The following LDB3 variants were observed in gnomAD, a reference collection of about 807,000 sequenced individuals.
LDB3 encodes the protein LIM domain-binding protein 3.
LDB3 carries 49 observed loss-of-function variants against 69.0 expected under a neutral mutation model. The ratio of observed to expected loss-of-function variants is 0.71; its 90% confidence interval spans 0.56 to 0.90. LDB3 has a LOEUF of 0.90. Ranked by LOEUF, LDB3 falls within the 40% of genes least tolerant of loss-of-function variation. The probability of loss-of-function intolerance (pLI) is 0.00; values close to 1 mark genes in which losing one functional copy is unlikely to be tolerated. For missense variants in LDB3, 928 were observed against 974.1 expected (o/e 0.95, Z 0.63); for synonymous variants, 387 against 396.2 (o/e 0.98, Z 0.28).
At chr10:86,712,108 C>A (rs1012039905) in intron 9 of LDB3, among the ~76,000 whole-genome samples, 2 of 152,100 alleles carry the variant, frequency 1.3e-5, no homozygotes, top group South Asian at 4.1e-4. Flanking sequence ...GCGCCACTGC[C>A]TGCTCGCCCC....
At position 86,723,127 on chromosome 10, in the gene LDB3, G is replaced by A. The variant is rs114753438; in HGVS notation, c.1979-3010G>A. On this transcript the variant is annotated intron_variant, in intron 12 of 13. Coordinates refer to ENST00000361373, the MANE Select transcript of LDB3 (RefSeq NM_007078.3). ...AAAACAAAAAAAAATTAAAGTAGCC[G>A]ACCGTGGTGGTGCACACCTGTGGTC... Among the ~76,000 whole-genome samples, 790 of 151,576 alleles carry A rather than the reference G, an allele frequency of 5.2e-3. 10 individuals carry two copies. Among genetic ancestry groups the A allele is most frequent in the African/African-American group, 0.018 (736 of 41,306 alleles).
At chr10:86,692,129 G>C in intron 6 of LDB3, 64 bp downstream of exon 6, 1 of 1,582,720 alleles carries the variant, frequency 6.3e-7, no homozygotes, top group Non-Finnish European at 8.6e-7. Context: ...CAGGGACCTG[G>C]GCCCAGCACT....
chr10:86,666,848 G>A (rs930790758), upstream of LDB3: 3 of 465,546 alleles, frequency 6.4e-6, no homozygotes, highest in African/African-American at 4.1e-5. Flanking sequence ...TGCAGCTCCA[G>A]GTACAGCCTC....
intron 5 of LDB3, among the ~76,000 whole-genome samples, chr10:86,683,485 A>C (rs780874960): frequency 6.6e-6 from 1 of 152,236 alleles, no homozygotes; most frequent in Non-Finnish European, 1.5e-5. Context: ...CTGCCTGCTC[A>C]GGGAAGTGAG....
At chr10:86,687,625 C>A (rs74604783) in intron 5 of LDB3, among the ~76,000 whole-genome samples, 11 of 152,336 alleles carry the variant, frequency 7.2e-5, no homozygotes, top group Middle Eastern at 3.4e-3. Context: ...CCTCTCACAG[C>A]GAAGCTGTCC....
chr10:86,668,100 G>A (rs1844251911), upstream of LDB3, among the ~76,000 whole-genome samples: 1 of 152,184 alleles, frequency 6.6e-6, no homozygotes, highest in Non-Finnish European at 1.5e-5. Context: ...AGACCAGCTG[G>A]AGGCTCAGCT....
chr10:86,677,516 T>A (rs777171814), intron 2 of LDB3, among the ~76,000 whole-genome samples: 8 of 152,106 alleles, frequency 5.3e-5, no homozygotes, highest in Admixed American at 1.3e-4. Context: ...GTGCATGATG[T>A]CCCCAAGAGT....
chr10:86,730,522 C>T (rs1318070689), intron 13 of LDB3, among the ~76,000 whole-genome samples: 1 of 152,230 alleles, frequency 6.6e-6, no homozygotes, highest in Non-Finnish European at 1.5e-5. Context: ...AGATCAATTT[C>T]AAGTAAACAC....
chr10:86,706,956 G>A (rs1846468608), intron 8 of LDB3, among the ~76,000 whole-genome samples: 1 of 152,230 alleles, frequency 6.6e-6, no homozygotes, highest in African/African-American at 2.4e-5. Context: ...ATACACCGGT[G>A]AGAGAGGTAA....
chr10:86,710,771 T>C (rs1380928274), intron 9 of LDB3, among the ~76,000 whole-genome samples: 1 of 152,272 alleles, frequency 6.6e-6, no homozygotes, highest in East Asian at 1.9e-4. Flanking sequence ...TTCGGGGCGC[T>C]GGTTCATGAA....
At chr10:86,670,769 G>A (rs375859113) in intron 2 of LDB3, among the ~76,000 whole-genome samples, 9 of 152,336 alleles carry the variant, frequency 5.9e-5, no homozygotes, top group East Asian at 5.8e-4. Flanking sequence ...ATGGCCTCTC[G>A]GCTTCCTTTA....
intron 12 of LDB3, among the ~76,000 whole-genome samples, chr10:86,723,495 G>A (rs1435706369): frequency 6.6e-6 from 1 of 152,108 alleles, no homozygotes; most frequent in Non-Finnish European, 1.5e-5. Context: ...CCCAGGGCCT[G>A]GTTTGCACAG....
chr10:86,730,547 A>T (rs919620069), intron 13 of LDB3, among the ~76,000 whole-genome samples: 2 of 152,168 alleles, frequency 1.3e-5, no homozygotes, highest in African/African-American at 2.4e-5. Context: ...CCTTTCTTCT[A>T]TGGGGTAGGG....
rs138951890 is a variant in LDB3, at chr10:86,716,630, A to C, written c.1535A>C (p.Gln512Pro). Residue 512 changes from glutamine (Q) to proline (P), a missense_variant, in exon 10 of 14, where the codon CAG becomes CCG. Transcript: ENST00000361373. Reference protein sequence around the residue: ...PGKSTTSISKQTLPRGGPAYT... With the variant: ...PGKSTTSISKPTLPRGGPAYT... ...AAGAGCACCACCTCCATCAGCAAGC[A>C]GACCCTGCCCCGGGGAGGCCCAGCC... The C allele has an allele frequency of 7.9e-4, 1,272 of 1,613,680 alleles. 1 individual carries two copies. Among genetic ancestry groups the C allele is most frequent in the Non-Finnish European group, 8.7e-4 (1,026 of 1,179,864 alleles).
chr10:86,729,749 A>G (rs980792324), intron 13 of LDB3, among the ~76,000 whole-genome samples: 2 of 152,072 alleles, frequency 1.3e-5, no homozygotes, highest in African/African-American at 2.4e-5. Flanking sequence ...CTCACCTATG[A>G]GCCATCTTTG....
intron 4 of LDB3, among the ~76,000 whole-genome samples, chr10:86,680,561 G>T (rs1305125430): frequency 6.6e-6 from 1 of 152,188 alleles, no homozygotes; most frequent in Admixed American, 6.5e-5. Context: ...CCAGCTTGAC[G>T]AGGACCTCCA....
intron 9 of LDB3, among the ~76,000 whole-genome samples, chr10:86,714,606 A>G (rs1589672432): frequency 7.5e-6 from 1 of 133,024 alleles, no homozygotes; most frequent in African/African-American, 2.9e-5. Flanking sequence ...CCCAGGCTGG[A>G]GTGCAGTGGT....
At chr10:86,706,760 G>C (rs1378390764) in intron 8 of LDB3, 41 bp downstream of exon 8, 5 of 1,574,720 alleles carry the variant, frequency 3.2e-6, no homozygotes, top group South Asian at 1.1e-5. Flanking sequence ...CTGGGGAAGG[G>C]AGGCAGGAAA....
intron 2 of LDB3, among the ~76,000 whole-genome samples, chr10:86,676,703 G>A (rs913391027): frequency 2.0e-5 from 3 of 152,298 alleles, no homozygotes; most frequent in East Asian, 1.9e-4. Flanking sequence ...CAGTGTTTCC[G>A]TGACCCGTAA....
Sources: allele counts gnomAD v4.1 joint callset (sites outside exome capture counted in the v4.1 genomes callset), GRCh38; gene constraint gnomAD v4.1.1; transcripts MANE v1.5; gene names NCBI Gene and HGNC (gene_info 2026-07-23, HGNC 2026-07-21).